The following XPO7 variants were observed in gnomAD, a reference collection of about 807,000 sequenced individuals.
XPO7 encodes exportin 7.
A neutral mutation model predicts 144.3 loss-of-function variants in XPO7; 21 were observed. That is an observed-to-expected ratio of 0.15 (90% CI 0.10 to 0.21). XPO7 has a LOEUF of 0.21. Ranked by LOEUF, XPO7 falls within the 10% of genes least tolerant of loss-of-function variation. The probability of loss-of-function intolerance (pLI) is 1.00; values close to 1 mark genes in which losing one functional copy is unlikely to be tolerated. For missense variants in XPO7, 808 were observed against 1,325.8 expected (o/e 0.61, Z 6.06); for synonymous variants, 580 against 499.6 (o/e 1.16, Z -2.15).
At chr8:21,947,226 A>C (rs1319724994) in intron 1 of XPO7, among the ~76,000 whole-genome samples, 1 of 152,206 alleles carries the variant, frequency 6.6e-6, no homozygotes, top group Non-Finnish European at 1.5e-5. Flanking sequence ...GATACAACTG[A>C]TGGGAGTTTA....
In XPO7 at chr8:22,006,471, G is replaced by A. The variant is rs919469814; in HGVS notation, c.*1383G>A. 3 of 151,934 alleles carry A rather than the reference G, an allele frequency of 2.0e-5. No individual in the cohort carries two copies. The highest frequency in any genetic ancestry group is 2.1e-4 in the South Asian group (1 of 4,808). 9.4% of individuals were successfully genotyped at this position (151,934 alleles called of 1,614,324 possible). A position where few individuals can be genotyped will look rare whatever the true frequency, so the allele number is the denominator to read the frequency against. Reference sequence around the variant, plus strand: ...TAATTTTTTTTCCTTCTCCTCTGGCGACTGTGTGATGAATCCTTTCTTGCG... The same window carrying A: ...TAATTTTTTTTCCTTCTCCTCTGGCAACTGTGTGATGAATCCTTTCTTGCG... On this transcript the variant is annotated 3_prime_UTR_variant, in exon 28 of 28. Transcript: ENST00000252512.
Position 21,953,419 on chromosome 8 carries a change from A to G in XPO7, c.19-13438A>G, listed in dbSNP as rs549403375. On this transcript the variant is annotated intron_variant, in intron 1 of 27. Coordinates refer to ENST00000252512, the MANE Select transcript of XPO7 (RefSeq NM_015024.5). Reference sequence around the variant, plus strand: ...ATCTTAAACTTAGCAGTATGCATTTAAGTTCCTCTATGTCTTTTTGTAGCC... The same window carrying G: ...ATCTTAAACTTAGCAGTATGCATTTGAGTTCCTCTATGTCTTTTTGTAGCC... Among the ~76,000 whole-genome samples, 3 of 152,326 alleles carry G rather than the reference A, an allele frequency of 2.0e-5. No individual in the cohort carries two copies. In the East Asian group the frequency reaches 5.8e-4, roughly 29 times the overall value.
intron 2 of XPO7, among the ~76,000 whole-genome samples, chr8:21,967,431 A>G (rs1417214330): frequency 6.6e-6 from 1 of 152,096 alleles, no homozygotes; most frequent in Non-Finnish European, 1.5e-5. Context: ...CCCGGGTTCA[A>G]GTGATTCTCC....
intron 16 of XPO7, among the ~76,000 whole-genome samples, chr8:21,989,935 C>T (rs925730955): frequency 6.9e-6 from 1 of 145,412 alleles, no homozygotes; most frequent in Non-Finnish European, 1.5e-5. Context: ...CTACAAGCTC[C>T]GCCTCCCAGG....
rs773955752 is a variant in XPO7, at chr8:21,990,331, CCTTT to C, written c.1869-12_1869-9del. The C allele has an allele frequency of 1.3e-5, 21 of 1,612,794 alleles. No individual in the cohort carries two copies. The highest frequency in any genetic ancestry group is 1.7e-5 in the Non-Finnish European group (20 of 1,178,922). ...GCTTCACACTTTCCTTGACCTTCTTCCTTTGTCTTCACGTACAGTAGCGTAAGGA... is the reference window on the plus strand; with the variant it reads ...GCTTCACACTTTCCTTGACCTTCTTCGTCTTCACGTACAGTAGCGTAAGGA... On this transcript the variant is annotated splice_polypyrimidine_tract_variant and intron_variant, in intron 16 of 27. Transcript: ENST00000252512.
rs189823406 is a variant in XPO7 at position 21,970,193 on chromosome 8, C to G, written c.309C>G (p.Phe103Leu). The change falls in exon 4 of 28, where the codon TTC (phenylalanine) becomes TTG (leucine). Residue 103 changes from phenylalanine (F) to leucine (L), a missense_variant. Phe to Leu is a conservative substitution (Grantham distance 22). Around this residue, in one of 5 missense-constraint regions of XPO7, gnomAD observed 223 missense variants for 368.8 expected, o/e 0.60. Transcript: ENST00000252512. ...CCACTCGGCCGAAGTTGGCTACTTTCGTGACACAAGCACTTATTCAGTTAT... is the reference window on the plus strand; with the variant it reads ...CCACTCGGCCGAAGTTGGCTACTTTGGTGACACAAGCACTTATTCAGTTAT... The part of the protein sequence containing the change: ...YLATRPKLAT[F>L]VTQALIQLYA... The G allele has an allele frequency of 6.2e-7, 1 of 1,613,470 alleles. No individual in the cohort carries two copies. Among genetic ancestry groups the G allele is most frequent in the Non-Finnish European group, 8.5e-7 (1 of 1,179,724 alleles).
chr8:21,990,857 C>CA lies in XPO7; in HGVS notation c.1980dup (p.Asp661ArgfsTer24). 6.2e-7 allele frequency: 1 copy of CA among 1,613,952 alleles called. No homozygotes were observed. Among genetic ancestry groups the CA allele is most frequent in the Non-Finnish European group, 8.5e-7 (1 of 1,179,872 alleles). On this transcript the variant is annotated frameshift_variant, in exon 18 of 28. Coordinates refer to ENST00000252512, the MANE Select transcript of XPO7 (RefSeq NM_015024.5). LOFTEE classifies it high-confidence loss of function. The stretch of plus-strand genomic sequence containing the variant: ...GGTATTAACAATCAGTCCAACCTGA[C>CA]AGACATGCGGTGTCGGACTACCTTC...
chr8:22,002,418 G>T, intron 25 of XPO7, 146 bp downstream of exon 25: 1 of 1,079,154 alleles, frequency 9.3e-7, no homozygotes, highest in South Asian at 1.7e-5. Flanking sequence ...AAGTTGCAGT[G>T]GATTTTGAGT....
chr8:21,964,613 CA>C (rs56993629), intron 1 of XPO7, among the ~76,000 whole-genome samples: 28,486 of 141,558 alleles, frequency 0.2, 3,916 homozygotes, highest in African/African-American at 0.4. Flanking sequence ...CTTCTGGGAA[CA>C]AAAAAAAAAA....
chr8:21,985,814 C>T, intron 13 of XPO7, 123 bp downstream of exon 13: 1 of 777,358 alleles, frequency 1.3e-6, no homozygotes, highest in African/African-American at 1.7e-5. Context: ...ACACAGCTTT[C>T]AAGGCTTTTG....
chr8:21,958,341 C>G (rs939949689), intron 1 of XPO7, among the ~76,000 whole-genome samples: 7 of 151,890 alleles, frequency 4.6e-5, no homozygotes, highest in African/African-American at 1.7e-4. Flanking sequence ...ACATTTGCGT[C>G]AAACAAGCAA....
At chr8:21,970,651 T>C (rs1297245307) in intron 4 of XPO7, among the ~76,000 whole-genome samples, 2 of 152,212 alleles carry the variant, frequency 1.3e-5, no homozygotes, top group Non-Finnish European at 2.9e-5. Flanking sequence ...ACATATATTT[T>C]GAATAAGTGC....
At chr8:21,959,307 C>T (rs1377844817) in intron 1 of XPO7, among the ~76,000 whole-genome samples, 1 of 152,118 alleles carries the variant, frequency 6.6e-6, no homozygotes, top group Non-Finnish European at 1.5e-5. Context: ...TTTTGGTAGC[C>T]AGTATAATCA....
At chr8:21,985,472 A>T in intron 12 of XPO7, 114 bp from the exon 13 acceptor site, 2 of 997,320 alleles carry the variant, frequency 2.0e-6, no homozygotes, top group Non-Finnish European at 3.1e-6. Context: ...TCTGTAAGAA[A>T]AGTAAGACTT....
At chr8:21,990,039 T>C (rs994244770) in intron 16 of XPO7, among the ~76,000 whole-genome samples, 3 of 151,272 alleles carry the variant, frequency 2.0e-5, no homozygotes, top group Non-Finnish European at 4.4e-5. Flanking sequence ...TTAGTAGAGG[T>C]AGGGTTTCAC....
intron 5 of XPO7, among the ~76,000 whole-genome samples, chr8:21,973,216 A>G (rs1812123372): frequency 6.6e-6 from 1 of 152,238 alleles, no homozygotes; most frequent in South Asian, 2.1e-4. Flanking sequence ...GCAGAAGAGC[A>G]GATGCATTAA....
chr8:21,926,565 T>C (rs1298700973), intron 1 of XPO7, among the ~76,000 whole-genome samples: 2 of 152,076 alleles, frequency 1.3e-5, no homozygotes, highest in East Asian at 3.9e-4. Context: ...GTTTTTTTTT[T>C]AACCTCATTC....
intron 1 of XPO7, among the ~76,000 whole-genome samples, chr8:21,937,148 A>G (rs541955348): frequency 1.3e-5 from 2 of 152,360 alleles, no homozygotes; most frequent in East Asian, 3.9e-4. Context: ...GCATGGCTAG[A>G]AAGTGTTTAG....
chr8:21,956,320 C>T (rs1653851315), intron 1 of XPO7, among the ~76,000 whole-genome samples: 2 of 152,150 alleles, frequency 1.3e-5, no homozygotes, highest in Non-Finnish European at 2.9e-5. Flanking sequence ...CTGTGTTTCT[C>T]TCTCTGCTAA....
Sources: allele counts gnomAD v4.1 joint callset (sites outside exome capture counted in the v4.1 genomes callset), GRCh38; gene constraint gnomAD v4.1.1; regional missense constraint gnomAD v4.1.1; transcripts MANE v1.5; gene names NCBI Gene and HGNC (gene_info 2026-07-23, HGNC 2026-07-21).